The following COPS3 variants were observed in gnomAD, a reference collection of about 807,000 sequenced individuals.
COPS3 encodes COP9 signalosome complex subunit 3.
COPS3 carries 10 observed loss-of-function variants against 58.2 expected under a neutral mutation model. The observed-to-expected ratio is 0.17, with a 90% CI of 0.11 to 0.29. COPS3 has a LOEUF of 0.29. Among genes scored for constraint, COPS3 ranks in the 10% least tolerant of loss-of-function variants. The pLI, the probability that COPS3 is intolerant of heterozygous loss-of-function variation, is 1.00. For missense variants in COPS3, 333 were observed against 510.1 expected, an observed-to-expected ratio of 0.65 and a Z score of 3.34; for synonymous variants, 187 against 181.7, an observed-to-expected ratio of 1.03 and a Z score of -0.24.
At chr17:17,280,741 T>G (rs1259428654) in intron 1 of COPS3, 1 of 1,244,456 alleles carries the variant, frequency 8.0e-7, no homozygotes. Context: ...AAGCTGCGGA[T>G]CGGCGGCAAA....
intron 8 of COPS3, among the ~76,000 whole-genome samples, chr17:17,259,642 C>T (rs1156502707): frequency 6.6e-6 from 1 of 152,134 alleles, no homozygotes; most frequent in Non-Finnish European, 1.5e-5. Context: ...TGTCTGTAAT[C>T]CCAGCAGTTT....
intron 2 of COPS3, among the ~76,000 whole-genome samples, chr17:17,274,608 AG>A (rs2048421888): frequency 6.6e-6 from 1 of 151,928 alleles, no homozygotes; most frequent in Admixed American, 6.6e-5. Context: ...TATTTTTAGT[AG>A]AGACAGGGTC....
intron 4 of COPS3, among the ~76,000 whole-genome samples, chr17:17,268,469 A>T (rs2048275010): frequency 6.6e-6 from 1 of 152,168 alleles, no homozygotes; most frequent in Non-Finnish European, 1.5e-5. Flanking sequence ...CTGATTATAA[A>T]TAAGAAGACC....
chr17:17,261,840 C>G (rs2048107972), intron 7 of COPS3, 126 bp downstream of exon 7: 1 of 733,182 alleles, frequency 1.4e-6, no homozygotes, highest in South Asian at 2.0e-5. Flanking sequence ...CAATAAATGT[C>G]TGCTCACCTG....
At chr17:17,251,758 C>T (rs1051453353) in intron 9 of COPS3, among the ~76,000 whole-genome samples, 1 of 152,108 alleles carries the variant, frequency 6.6e-6, no homozygotes, top group Non-Finnish European at 1.5e-5. Context: ...ACATCAAACT[C>T]AGAAACAAAC....
chr17:17,272,248 C>A (rs1473712991), intron 2 of COPS3, among the ~76,000 whole-genome samples: 1 of 152,054 alleles, frequency 6.6e-6, no homozygotes, highest in Non-Finnish European at 1.5e-5. Flanking sequence ...TCGGGTGAAA[C>A]CCCATCTCTA....
intron 8 of COPS3, among the ~76,000 whole-genome samples, chr17:17,256,903 T>C (rs539900868): frequency 6.6e-6 from 1 of 152,324 alleles, no homozygotes; most frequent in East Asian, 1.9e-4. Context: ...AAATTCTTGA[T>C]GAGCCAATAA....
chr17:17,252,869 T>G (rs190206501), intron 9 of COPS3, among the ~76,000 whole-genome samples: 239 of 152,310 alleles, frequency 1.6e-3, no homozygotes, highest in African/African-American at 5.6e-3. Context: ...TGTGTGCATG[T>G]TTTGAATGGT....
intron 1 of COPS3, chr17:17,280,527 T>C (rs1326289490): frequency 6.4e-6 from 8 of 1,242,766 alleles, no homozygotes; most frequent in Non-Finnish European, 7.4e-6. Flanking sequence ...GCCACTGCAC[T>C]CCAGCCTCGG....
At chr17:17,247,294 A>G in intron 11 of COPS3, 143 bp from the exon 12 acceptor site, 1 of 956,060 alleles carries the variant, frequency 1.0e-6, no homozygotes. Context: ...GAACCACCCT[A>G]AGCATCCCTA....
At chr17:17,279,276 C>A (rs141305917) in intron 1 of COPS3, among the ~76,000 whole-genome samples, 13 of 152,282 alleles carry the variant, frequency 8.5e-5, no homozygotes, top group Admixed American at 4.6e-4. Flanking sequence ...CCTATAGCAT[C>A]CTATAACCTG....
intron 8 of COPS3, among the ~76,000 whole-genome samples, chr17:17,255,390 A>C (rs541827203): frequency 2.0e-5 from 3 of 151,154 alleles, no homozygotes; most frequent in African/African-American, 7.3e-5. Flanking sequence ...AGACAAGAGA[A>C]TCAGAGAATT....
chr17:17,275,653 T>C (rs1164006450), intron 2 of COPS3, among the ~76,000 whole-genome samples: 3 of 152,102 alleles, frequency 2.0e-5, no homozygotes. Context: ...TAAATAAAAA[T>C]AAAGCCAGGG....
Position 17,281,191 on chromosome 17 carries a change from T to C in COPS3, c.-5A>G, listed in dbSNP as rs1338592334. The stretch of plus-strand genomic sequence containing the variant: ...CTGCTCCAGGGCAGACGCCATGTTT[T>C]CCCCCGGGCGGCCCGAGCGGCGAAG... On this transcript the variant is annotated 5_prime_UTR_variant, in exon 1 of 12. Coordinates refer to ENST00000268717, the MANE Select transcript of COPS3 (RefSeq NM_003653.4). 1 of 1,609,158 alleles carries C rather than the reference T, an allele frequency of 6.2e-7. No individual in the cohort carries two copies. Among genetic ancestry groups the C allele is most frequent in the Non-Finnish European group, 8.5e-7 (1 of 1,178,164 alleles).
chr17:17,267,327 C>CAAAA (rs778325363), intron 5 of COPS3, among the ~76,000 whole-genome samples: 1 of 50,376 alleles, frequency 2.0e-5, no homozygotes, highest in South Asian at 6.9e-4. Context: ...GACTCCGTCT[C>CAAAA]AAAAAAAAAA....
intron 8 of COPS3, 165 bp from the exon 9 acceptor site, chr17:17,255,110 G>A: frequency 1.9e-6 from 1 of 513,246 alleles, no homozygotes; most frequent in East Asian, 3.5e-5. Flanking sequence ...GACCATCTTG[G>A]CTAACATGGT....
intron 4 of COPS3, among the ~76,000 whole-genome samples, chr17:17,270,331 A>G (rs2145242030): frequency 6.6e-6 from 1 of 152,348 alleles, no homozygotes; most frequent in African/African-American, 2.4e-5. Flanking sequence ...AAGAGAAAAA[A>G]AAAAGAATAA....
intron 2 of COPS3, among the ~76,000 whole-genome samples, chr17:17,274,586 G>A (rs559232895): frequency 8.6e-5 from 13 of 151,730 alleles, no homozygotes; most frequent in Non-Finnish European, 1.3e-4. Flanking sequence ...CACCACACCC[G>A]GCTAATTTTT....
chr17:17,254,709 C>T, intron 9 of COPS3, 150 bp downstream of exon 9: 1 of 502,778 alleles, frequency 2.0e-6, no homozygotes, highest in Non-Finnish European at 3.5e-6. Context: ...TCTCGGGAGG[C>T]TGAGGCAAGA....
Sources: gnomAD v4.1 joint callset for allele counts (sites outside exome capture counted in the v4.1 genomes callset) on GRCh38, gnomAD v4.1.1 for gene constraint, MANE v1.5 for transcripts, NCBI Gene and HGNC (gene_info 2026-07-23, HGNC 2026-07-21) for gene names.